The following COP1 variants were observed in gnomAD, a reference collection of about 807,000 sequenced individuals.
COP1 encodes E3 ubiquitin-protein ligase COP1.
A neutral mutation model predicts 101.3 loss-of-function variants in COP1; 24 were observed. The observed-to-expected ratio is 0.24, with a 90% CI of 0.17 to 0.33. COP1 has a LOEUF of 0.33. COP1 is among the 10% of genes least tolerant of loss of function. The pLI is 1.00. For synonymous variants in COP1, 347 were observed against 341.9 expected (o/e 1.01, Z -0.17); for missense variants, 663 against 906.2 (o/e 0.73, Z 3.45).
At chr1:176,202,723 G>A (rs200383519) in intron 1 of COP1, among the ~76,000 whole-genome samples, 37 of 152,016 alleles carry the variant, frequency 2.4e-4, no homozygotes, top group East Asian at 1.4e-3. Flanking sequence ...TGGTCAACAG[G>A]CTTCATTTTT....
At chr1:176,174,253 G>C (rs1406836203) in intron 3 of COP1, among the ~76,000 whole-genome samples, 1 of 152,068 alleles carries the variant, frequency 6.6e-6, no homozygotes. Flanking sequence ...TATGACTACA[G>C]AAAAAGCATA....
intron 15 of COP1, among the ~76,000 whole-genome samples, chr1:175,993,189 T>A (rs1166963905): frequency 6.6e-6 from 1 of 152,232 alleles, no homozygotes; most frequent in Non-Finnish European, 1.5e-5. Context: ...GGGTCCTGTC[T>A]GTTAGAAGGA....
chr1:175,965,262 C>T (rs1386395334), intron 18 of COP1, among the ~76,000 whole-genome samples: 1 of 152,144 alleles, frequency 6.6e-6, no homozygotes, highest in African/African-American at 2.4e-5. Flanking sequence ...TAAATTTGCC[C>T]TTCTTTTGAT....
At chr1:176,116,547 A>T (rs1686214697) in intron 9 of COP1, 77 bp downstream of exon 9, 1 of 1,218,582 alleles carries the variant, frequency 8.2e-7, no homozygotes, top group African/African-American at 1.5e-5. Flanking sequence ...AGGACATTTT[A>T]GTAAACTAAT....
intron 2 of COP1, 41 bp from the exon 3 acceptor site, chr1:176,176,048 T>C: frequency 1.1e-6 from 1 of 943,132 alleles, no homozygotes; most frequent in Non-Finnish European, 1.7e-6. Context: ...ATTAAATCAA[T>C]GAAAAATTAA....
At chr1:176,150,399 T>A (rs1692233912) in intron 5 of COP1, among the ~76,000 whole-genome samples, 1 of 152,194 alleles carries the variant, frequency 6.6e-6, no homozygotes, top group Non-Finnish European at 1.5e-5. Context: ...AAGATTGAAA[T>A]TTTTTCTTGC....
chr1:176,045,030 G>T (rs1436221413), intron 12 of COP1, among the ~76,000 whole-genome samples: 1 of 152,038 alleles, frequency 6.6e-6, no homozygotes, highest in African/African-American at 2.4e-5. Context: ...TATAAATAAG[G>T]AGCAGGAAAT....
intron 18 of COP1, among the ~76,000 whole-genome samples, chr1:175,986,657 C>T (rs1408412281): frequency 6.6e-6 from 1 of 152,008 alleles, no homozygotes; most frequent in Non-Finnish European, 1.5e-5. Context: ...GAGGAATTTC[C>T]AGTCTTATAG....
rs67600151 is a variant in COP1, at chr1:176,160,255, CTTTTTTTTTTTTT to C, written c.762+2601_762+2613del. ...TTTTGGTATGGTAGCCCACACACAT[CTTTTTTTTTTTTT>C]TTTTTTTTTTTTTTTACTTTAAGTT... On this transcript the variant is annotated intron_variant, in intron 5 of 19. Coordinates refer to ENST00000367669, the MANE Select transcript of COP1 (RefSeq NM_022457.7). 5.9e-5 allele frequency: 14 copies of C among 238,890 alleles called. No homozygotes were observed. In the East Asian group the frequency reaches 1.5e-3, roughly 26 times the overall value. The allele number at this position is 238,890 out of a possible 1,614,324, so 14.8% of individuals were successfully genotyped here.
At chr1:176,113,770 G>A (rs867952453) in intron 9 of COP1, among the ~76,000 whole-genome samples, 1 of 152,052 alleles carries the variant, frequency 6.6e-6, no homozygotes, top group Admixed American at 6.5e-5. Flanking sequence ...ATAATTTGTG[G>A]GAGAGTTCAA....
chr1:176,043,629 T>G (rs1671021502), intron 13 of COP1, 81 bp downstream of exon 13: 1 of 818,572 alleles, frequency 1.2e-6, no homozygotes, highest in African/African-American at 1.7e-5. Context: ...AAATCTGTAA[T>G]TATAAGGCAC....
At chr1:176,003,585 C>T (rs1488118709) in intron 15 of COP1, among the ~76,000 whole-genome samples, 3 of 151,642 alleles carry the variant, frequency 2.0e-5, no homozygotes, top group African/African-American at 7.3e-5. Flanking sequence ...CCAGTTTTCC[C>T]AGCACCATTT....
intron 15 of COP1, among the ~76,000 whole-genome samples, chr1:175,992,100 T>C (rs766952167): frequency 1.3e-5 from 2 of 152,236 alleles, no homozygotes; most frequent in Non-Finnish European, 1.5e-5. Context: ...TTGAGTATTA[T>C]AGTTGGTATA....
At chr1:176,175,573 G>A (rs961004816) in intron 3 of COP1, among the ~76,000 whole-genome samples, 21 of 152,288 alleles carry the variant, frequency 1.4e-4, no homozygotes, top group African/African-American at 4.6e-4. Context: ...AGGAGACAGA[G>A]CACAGGCAGT....
chr1:176,162,797 A>G, intron 5 of COP1, 72 bp downstream of exon 5: 1 of 1,354,748 alleles, frequency 7.4e-7, no homozygotes, highest in Non-Finnish European at 1.0e-6. Flanking sequence ...ATTATTTTTA[A>G]ACTTTCTACG....
chr1:176,013,970 A>G (rs991144122), intron 15 of COP1, among the ~76,000 whole-genome samples: 2 of 152,216 alleles, frequency 1.3e-5, no homozygotes, highest in Admixed American at 6.5e-5. Flanking sequence ...GTTCATTCCA[A>G]TAAGTGCTCT....
At chr1:176,191,001 C>T (rs747762593) in intron 1 of COP1, among the ~76,000 whole-genome samples, 45 of 152,136 alleles carry the variant, frequency 3.0e-4, no homozygotes, top group Non-Finnish European at 5.2e-4. Context: ...AGTTACACCT[C>T]ACATAAACAG....
At chr1:175,949,183 A>AAAAAAAAAAT (rs1649559332) in intron 18 of COP1, among the ~76,000 whole-genome samples, 1 of 148,546 alleles carries the variant, frequency 6.7e-6, no homozygotes, top group Admixed American at 6.7e-5. Context: ...AAAAAAAAAA[A>AAAAAAAAAAT]AAAAAAAAAT....
rs919865576 is a variant in COP1 at position 176,175,145 on chromosome 1, G to C, written c.565+765C>G. Among the ~76,000 whole-genome samples the C allele has an allele frequency of 2.0e-5, 3 of 151,976 alleles. No individual in the cohort carries two copies. The South Asian group carries it at 6.2e-4, about 31-fold the overall frequency. On this transcript the variant is annotated intron_variant, in intron 3 of 19. Transcript: ENST00000367669. ...CACCCATTCACTCCCAACTCAGCAA[G>C]CATCACACCCAAGTTTTTTTGTCCC...
Sources: allele counts gnomAD v4.1 joint callset (sites outside exome capture counted in the v4.1 genomes callset), GRCh38; gene constraint gnomAD v4.1.1; transcripts MANE v1.5; gene names NCBI Gene and HGNC (gene_info 2026-07-23, HGNC 2026-07-21).